CSMD1: variants seen among roughly 807,000 people sequenced by gnomAD.
CSMD1 encodes the protein CUB and Sushi multiple domains 1.
CSMD1 carries 213 observed loss-of-function variants against 417.5 expected under a neutral mutation model. The observed-to-expected ratio is 0.51, with a 90% CI of 0.46 to 0.57. The LOEUF is 0.57. Among genes scored for constraint, CSMD1 ranks in the 20% least tolerant of loss-of-function variants. The pLI is 0.00. For synonymous variants in CSMD1, 2,862 were observed against 1,736.8 expected (o/e 1.65, Z -16.11); for missense variants, 6,923 against 4,529.7 (o/e 1.53, Z -15.17).
At chr8:4,061,009 A>C (rs1798943278) in intron 3 of CSMD1, among the ~76,000 whole-genome samples, 2 of 152,168 alleles carry the variant, frequency 1.3e-5, no homozygotes, top group Admixed American at 1.3e-4. Context: ...CAAAAAAGAG[A>C]ATTAATTTCA....
At chr8:3,817,904 C>T (rs976317215) in intron 5 of CSMD1, among the ~76,000 whole-genome samples, 8 of 152,180 alleles carry the variant, frequency 5.3e-5, no homozygotes, top group Non-Finnish European at 1.0e-4. Context: ...GATGCAGATT[C>T]AGCCCTGTTA....
rs780716708 is a variant in CSMD1, at chr8:3,408,235, T to C, written c.1745-10A>G. The C allele has an allele frequency of 2.5e-6, 4 of 1,573,606 alleles. No homozygotes were observed. The highest frequency in any genetic ancestry group is 2.7e-5 in the African/African-American group (2 of 73,990). ...TTGAAGAAACATGAAACTGTGAAGA[T>C]GCAAATATATTTTCAAACAGTTATG... On this transcript the variant is annotated splice_polypyrimidine_tract_variant and intron_variant, in intron 13 of 69. Transcript: ENST00000635120.
At chr8:4,637,273 T>G in intron 2 of CSMD1, 69 bp downstream of exon 2, 1 of 1,325,724 alleles carries the variant, frequency 7.5e-7, no homozygotes, top group Non-Finnish European at 1.1e-6. Flanking sequence ...AATTTAAATA[T>G]TCCAACTAGA....
chr8:4,005,898 A>C (rs527598548), intron 4 of CSMD1, among the ~76,000 whole-genome samples: 3 of 152,288 alleles, frequency 2.0e-5, no homozygotes, highest in Non-Finnish European at 1.5e-5. Context: ...AATCACTGGG[A>C]ATTGGCTTAG....
intron 1 of CSMD1, among the ~76,000 whole-genome samples, chr8:4,856,966 T>C (rs1801837922): frequency 6.6e-6 from 1 of 151,510 alleles, no homozygotes; most frequent in Admixed American, 6.6e-5. Flanking sequence ...AATATACATT[T>C]TTTTCAGCAC....
chr8:4,414,992 G>C (rs1350537060), intron 3 of CSMD1, among the ~76,000 whole-genome samples: 2 of 152,136 alleles, frequency 1.3e-5, no homozygotes, highest in Non-Finnish European at 2.9e-5. Flanking sequence ...GCCAAAATGT[G>C]ATAAATTGTC....
intron 23 of CSMD1, among the ~76,000 whole-genome samples, chr8:3,309,292 C>G (rs535917447): frequency 1.2e-3 from 188 of 152,138 alleles, no homozygotes; most frequent in Middle Eastern, 6.8e-3. Context: ...ACAACTTCTT[C>G]CAAACTCCAA....
chr8:4,836,114 C>T (rs1232930178), intron 1 of CSMD1, among the ~76,000 whole-genome samples: 1 of 152,078 alleles, frequency 6.6e-6, no homozygotes, highest in East Asian at 1.9e-4. Context: ...GTCAGAGCTT[C>T]AGCTTTCCAA....
At chr8:3,687,317 C>T (rs568536171) in intron 7 of CSMD1, among the ~76,000 whole-genome samples, 1 of 152,178 alleles carries the variant, frequency 6.6e-6, no homozygotes, top group South Asian at 2.1e-4. Flanking sequence ...AAAAGGTGAT[C>T]TGCTCCATGT....
chr8:4,066,999 G>A (rs181814599), intron 3 of CSMD1, among the ~76,000 whole-genome samples: 9 of 152,352 alleles, frequency 5.9e-5, no homozygotes, highest in South Asian at 2.1e-4. Context: ...CCACAACTGA[G>A]AAACAAGACA....
intron 3 of CSMD1, among the ~76,000 whole-genome samples, chr8:4,331,543 G>C (rs1052395899): frequency 1.3e-5 from 2 of 152,132 alleles, no homozygotes; most frequent in Non-Finnish European, 2.9e-5. Flanking sequence ...GTGTAAGCCT[G>C]GCAGTATGAA....
intron 3 of CSMD1, among the ~76,000 whole-genome samples, chr8:4,316,863 T>C (rs555765409): frequency 6.6e-6 from 1 of 152,234 alleles, no homozygotes; most frequent in South Asian, 2.1e-4. Context: ...TTAGTGATGT[T>C]TTGTGGTTAT....
At chr8:4,570,670 G>A (rs774228597) in intron 2 of CSMD1, among the ~76,000 whole-genome samples, 49 of 152,198 alleles carry the variant, frequency 3.2e-4, no homozygotes, top group Non-Finnish European at 6.5e-4. Flanking sequence ...AATGAGTTAA[G>A]GAGGATTCCC....
At chr8:4,335,198 C>G (rs576922834) in intron 3 of CSMD1, among the ~76,000 whole-genome samples, 2 of 152,240 alleles carry the variant, frequency 1.3e-5, no homozygotes, top group South Asian at 2.1e-4. Context: ...GCCACCATGG[C>G]TGGCCTGGGC....
At chr8:4,819,471 T>C (rs566992887) in intron 1 of CSMD1, among the ~76,000 whole-genome samples, 1 of 152,290 alleles carries the variant, frequency 6.6e-6, no homozygotes, top group South Asian at 2.1e-4. Context: ...CAAATTGACA[T>C]CCAACATAAT....
At chr8:4,906,108 T>C (rs1805256262) in intron 1 of CSMD1, among the ~76,000 whole-genome samples, 1 of 152,162 alleles carries the variant, frequency 6.6e-6, no homozygotes, top group Non-Finnish European at 1.5e-5. Context: ...ATTATCCTTG[T>C]ATGATATATG....
chr8:4,220,035 T>A (rs1800932889), intron 3 of CSMD1, among the ~76,000 whole-genome samples: 1 of 152,100 alleles, frequency 6.6e-6, no homozygotes. Context: ...CTACAACCTC[T>A]GCCTCTCAGG....
At chr8:3,726,235 C>A (rs935313856) in intron 6 of CSMD1, among the ~76,000 whole-genome samples, 3 of 152,104 alleles carry the variant, frequency 2.0e-5, no homozygotes, top group Admixed American at 6.6e-5. Flanking sequence ...GACTGTAAAC[C>A]CATGAGAGGC....
chr8:4,029,380 G>C (rs888230450), intron 4 of CSMD1, among the ~76,000 whole-genome samples: 27 of 152,160 alleles, frequency 1.8e-4, no homozygotes, highest in African/African-American at 6.5e-4. Context: ...TATATGGCTG[G>C]GGAAGCCTCA....
Sources: allele counts gnomAD v4.1 joint callset (sites outside exome capture counted in the v4.1 genomes callset), GRCh38; gene constraint gnomAD v4.1.1; transcripts MANE v1.5; gene names NCBI Gene and HGNC (gene_info 2026-07-23, HGNC 2026-07-21).